PLCB1: variants seen among roughly 807,000 people sequenced by gnomAD.
The protein encoded by PLCB1 is 1-phosphatidylinositol 4,5-bisphosphate phosphodiesterase beta-1.
A neutral mutation model predicts 161.8 loss-of-function variants in PLCB1; 46 were observed. The observed-to-expected ratio is 0.28, with a 90% CI of 0.22 to 0.36. PLCB1 has a LOEUF of 0.36. Ranked by LOEUF, PLCB1 falls within the 10% of genes least tolerant of loss-of-function variation. The probability of loss-of-function intolerance (pLI) is 1.00; values close to 1 mark genes in which losing one functional copy is unlikely to be tolerated. For missense variants in PLCB1, 1,016 were observed against 1,472.5 expected, an observed-to-expected ratio of 0.69 and a Z score of 5.07; for synonymous variants, 517 against 503.7, an observed-to-expected ratio of 1.03 and a Z score of -0.35.
chr20:8,684,083 A>AC (rs1486872484), intron 9 of PLCB1, among the ~76,000 whole-genome samples: 2 of 151,516 alleles, frequency 1.3e-5, no homozygotes, highest in African/African-American at 4.9e-5. Flanking sequence ...ACGAGGTTTC[A>AC]CCGTGTTAGC....
intron 15 of PLCB1, among the ~76,000 whole-genome samples, chr20:8,724,180 A>T (rs1383336546): frequency 6.6e-6 from 1 of 150,970 alleles, no homozygotes; most frequent in Non-Finnish European, 1.5e-5. Context: ...TATTTATATA[A>T]AAAAAAAAAC....
Position 8,541,586 on chromosome 20 carries a change from A to AAGAAAGAAAGAAAGAAAGAAAGAC in PLCB1, c.247-86686_247-86685insACAGAAAGAAAGAAAGAAAGAAAG, listed in dbSNP as rs1568500353. On this transcript the variant is annotated intron_variant, in intron 3 of 31. Transcript: ENST00000338037. ...AGAGAAAGAAAGAAAGAAAGAAAGA[A>AAGAAAGAAAGAAAGAAAGAAAGAC]AGAAAGAAAGAAAGAAAGAAAGGAA... 7.9e-5 allele frequency among the ~76,000 whole-genome samples: 12 copies of AAGAAAGAAAGAAAGAAAGAAAGAC among 151,430 alleles called. 1 individual carries two copies. Among genetic ancestry groups the AAGAAAGAAAGAAAGAAAGAAAGAC allele is most frequent in the African/African-American group, 2.9e-4 (12 of 41,180 alleles).
intron 31 of PLCB1, among the ~76,000 whole-genome samples, chr20:8,818,711 TTA>T (rs1457095451): frequency 2.0e-5 from 3 of 152,182 alleles, no homozygotes; most frequent in African/African-American, 7.2e-5. Flanking sequence ...TATAACATGC[TTA>T]TGAATTGGAA....
intron 2 of PLCB1, among the ~76,000 whole-genome samples, chr20:8,368,528 CAAAAA>C (rs1216338206): frequency 2.7e-4 from 17 of 63,830 alleles, no homozygotes; most frequent in African/African-American, 9.0e-4. Flanking sequence ...CTCTGTCTCT[CAAAAA>C]AAAAAAAAAA....
At chr20:8,646,484 A>G (rs540355784) in intron 5 of PLCB1, among the ~76,000 whole-genome samples, 2 of 152,318 alleles carry the variant, frequency 1.3e-5, no homozygotes, top group Admixed American at 1.3e-4. Context: ...CTCAGAACTA[A>G]AAATTATTAA....
intron 13 of PLCB1, 72 bp from the exon 14 acceptor site, chr20:8,717,599 T>TCCACAG: frequency 3.4e-6 from 4 of 1,169,660 alleles, no homozygotes; most frequent in Non-Finnish European, 4.9e-6. Flanking sequence ...CCACAGCTGA[T>TCCACAG]CTGGGGGTCT....
chr20:8,334,221 G>GA (rs1478925682), intron 2 of PLCB1, among the ~76,000 whole-genome samples: 1 of 150,390 alleles, frequency 6.6e-6, no homozygotes, highest in Non-Finnish European at 1.5e-5. Context: ...AAAAAAAAAA[G>GA]AAAGAAAAGA....
intron 3 of PLCB1, among the ~76,000 whole-genome samples, chr20:8,495,691 C>T (rs572644121): frequency 6.6e-6 from 1 of 152,228 alleles, no homozygotes; most frequent in South Asian, 2.1e-4. Flanking sequence ...GCCACCGCGC[C>T]TGGCCGATTT....
intron 31 of PLCB1, chr20:8,802,238 C>G: frequency 1.2e-6 from 1 of 813,214 alleles, no homozygotes; most frequent in Non-Finnish European, 2.1e-6. Flanking sequence ...AGTTTTCAGG[C>G]ATCACGGACT....
At chr20:8,272,275 G>A (rs1197922480) in intron 2 of PLCB1, among the ~76,000 whole-genome samples, 2 of 152,090 alleles carry the variant, frequency 1.3e-5, no homozygotes, top group Admixed American at 6.6e-5. Flanking sequence ...CATATGTTTT[G>A]TGCCTTGAGA....
chr20:8,404,699 A>G (rs902359722), intron 3 of PLCB1, among the ~76,000 whole-genome samples: 24 of 152,336 alleles, frequency 1.6e-4, no homozygotes, highest in Non-Finnish European at 2.9e-4. Flanking sequence ...AGATTCTTTT[A>G]GTAATTCTTC....
chr20:8,429,857 T>C (rs182643351), intron 3 of PLCB1, among the ~76,000 whole-genome samples: 1 of 152,046 alleles, frequency 6.6e-6, no homozygotes, highest in East Asian at 1.9e-4. Flanking sequence ...CCCTCAAAGA[T>C]CTAAAAAGGT....
chr20:8,764,743 G>T (rs910358245), intron 25 of PLCB1, among the ~76,000 whole-genome samples: 1 of 152,054 alleles, frequency 6.6e-6, no homozygotes, highest in African/African-American at 2.4e-5. Flanking sequence ...TTCCCCATGG[G>T]ATCAGGCAGA....
chr20:8,317,964 A>T (rs1253771907), intron 2 of PLCB1, among the ~76,000 whole-genome samples: 7 of 149,618 alleles, frequency 4.7e-5, no homozygotes, highest in Admixed American at 2.0e-4. Context: ...TTTTTCTTCC[A>T]TTGAGAATTC....
At chr20:8,667,427 C>A (rs1160655295) in intron 9 of PLCB1, among the ~76,000 whole-genome samples, 4 of 152,166 alleles carry the variant, frequency 2.6e-5, no homozygotes, top group Non-Finnish European at 5.9e-5. Context: ...TTTTCAAGAT[C>A]GTCATTGTGG....
At chr20:8,808,844 A>AT (rs1984670313) in intron 31 of PLCB1, among the ~76,000 whole-genome samples, 2 of 152,156 alleles carry the variant, frequency 1.3e-5, no homozygotes, top group African/African-American at 4.8e-5. Context: ...CCATTTTAAA[A>AT]TTTTTCAGGG....
chr20:8,289,417 C>A (rs972763661), intron 2 of PLCB1, among the ~76,000 whole-genome samples: 3 of 152,192 alleles, frequency 2.0e-5, no homozygotes, highest in Admixed American at 2.0e-4. Context: ...CTGCTGGTCT[C>A]CAGACCACAC....
intron 26 of PLCB1, among the ~76,000 whole-genome samples, chr20:8,767,563 T>TC (rs989758586): frequency 3.3e-5 from 5 of 152,072 alleles, no homozygotes; most frequent in Admixed American, 6.5e-5. Flanking sequence ...GCCTCTAAAC[T>TC]CCAACAAAGA....
intron 3 of PLCB1, among the ~76,000 whole-genome samples, chr20:8,564,294 T>A (rs1487581388): frequency 6.6e-6 from 1 of 152,144 alleles, no homozygotes; most frequent in African/African-American, 2.4e-5. Context: ...TGCAGAAAAC[T>A]GAAACTGGAT....
Sources: allele counts gnomAD v4.1 joint callset (sites outside exome capture counted in the v4.1 genomes callset), GRCh38; gene constraint gnomAD v4.1.1; transcripts MANE v1.5; gene names NCBI Gene and HGNC (gene_info 2026-07-23, HGNC 2026-07-21).